The following KRT7 variants were observed in gnomAD, a reference collection of about 807,000 sequenced individuals.
The protein encoded by KRT7 is keratin 7, also known as keratin, type II cytoskeletal 7.
A neutral mutation model predicts 42.8 loss-of-function variants in KRT7; 50 were observed. That is an observed-to-expected ratio of 1.17 (90% confidence interval 0.93 to 1.48). KRT7 has a LOEUF of 1.48. Ranked by LOEUF, KRT7 falls within the 40% of genes most tolerant of loss-of-function variation. The pLI, the probability that KRT7 is intolerant of heterozygous loss-of-function variation, is 0.00. For missense variants in KRT7, 588 were observed against 637.6 expected (o/e 0.92, Z 0.84); for synonymous variants, 268 against 266.3 (o/e 1.01, Z -0.06).
chr12:52,250,207 G>C (rs968989808), downstream of KRT7, among the ~76,000 whole-genome samples: 8 of 152,240 alleles, frequency 5.3e-5, no homozygotes, highest in African/African-American at 1.9e-4. Context: ...TCCGGACCGG[G>C]GTCTTTACCT....
chr12:52,235,389 C>T (rs374549181), intron 2 of KRT7, 23 bp downstream of exon 2: 72 of 1,581,044 alleles, frequency 4.6e-5, no homozygotes, highest in Middle Eastern at 2.3e-4. Flanking sequence ...GTGCCACATG[C>T]GAAGACCCCT....
At position 52,243,149 on chromosome 12, in the gene KRT7, C is replaced by A. The variant is rs757946635; in HGVS notation, c.984+12C>A. ...ACATCAAGAACCAGGTGGGACAAGT[C>A]CTCCTGGCTTCCCCTGCTACTTGGG... On this transcript the variant is annotated intron_variant, in intron 6 of 8. Transcript: ENST00000331817. 6.2e-7 allele frequency: 1 copy of A among 1,605,892 alleles called. No individual in the cohort carries two copies. The highest frequency in any genetic ancestry group is 1.3e-5 in the African/African-American group (1 of 74,708).
intron 5 of KRT7, among the ~76,000 whole-genome samples, chr12:52,242,791 G>C (rs1204736687): frequency 2.0e-5 from 3 of 152,122 alleles, no homozygotes; most frequent in African/African-American, 7.2e-5. Context: ...CATGGGGATG[G>C]GACTGCGGAG....
At chr12:52,253,298 G>T (rs540368021), downstream of KRT7, 749 of 1,612,820 alleles carry the variant, frequency 4.6e-4, 9 homozygotes, top group South Asian at 7.8e-3. Context: ...GCGGCGCAGG[G>T]TCTCCCCGTG....
chr12:52,242,379 T>C (rs958471243), intron 5 of KRT7, among the ~76,000 whole-genome samples: 4 of 152,212 alleles, frequency 2.6e-5, no homozygotes, highest in African/African-American at 9.7e-5. Flanking sequence ...ATCCTGAATG[T>C]GAGGGCCCTA....
intron 2 of KRT7, among the ~76,000 whole-genome samples, chr12:52,236,376 C>A (rs1376877113): frequency 4.6e-5 from 7 of 151,942 alleles, no homozygotes; most frequent in African/African-American, 9.7e-5. Flanking sequence ...ATACTCCCCC[C>A]ACCCCAAACC....
At chr12:52,242,351 T>C (rs1017121446) in intron 5 of KRT7, among the ~76,000 whole-genome samples, 4 of 152,194 alleles carry the variant, frequency 2.6e-5, no homozygotes, top group Admixed American at 2.0e-4. Flanking sequence ...AGCTAGTAGA[T>C]GGAAGAGCAG....
rs990054721 is a variant in KRT7, at chr12:52,243,028, C to T, written c.875C>T (p.Ala292Val). 7 of 1,613,306 alleles carry T rather than the reference C, an allele frequency of 4.3e-6. No homozygotes were observed. The highest frequency in any genetic ancestry group is 1.1e-5 in the South Asian group (1 of 90,994). ...CCCCTCCAGTTTGAGACCCTCCAGG[C>T]CCAGGCTGGGAAGCATGGGGACGAC... is the stretch of plus-strand genomic sequence containing the variant. Reference protein sequence around the residue: ...WYQTKFETLQAQAGKHGDDLR... With the variant: ...WYQTKFETLQVQAGKHGDDLR... Residue 292 changes from alanine (A) to valine (V), a missense_variant, in exon 6 of 9, where the codon GCC becomes GTC. Ala to Val is a moderately conservative substitution (Grantham distance 64). Transcript: ENST00000331817.
At chr12:52,236,446 G>A (rs546483798) in intron 2 of KRT7, among the ~76,000 whole-genome samples, 1 of 152,032 alleles carries the variant, frequency 6.6e-6, no homozygotes, top group African/African-American at 2.4e-5. Context: ...AAGAGGAACT[G>A]GAAGGGAGTC....
chr12:52,233,698 C>T lies in KRT7; in HGVS notation c.324+78C>T. 2.1e-6 allele frequency: 3 copies of T among 1,451,644 alleles called. No individual in the cohort carries two copies. The South Asian group carries it at 3.4e-5, about 17-fold the overall frequency. 89.9% of individuals were successfully genotyped at this position (1,451,644 alleles called of 1,614,324 possible). On this transcript the variant is annotated intron_variant, in intron 1 of 8. Transcript: ENST00000331817. ...GCCGCCCTAACTAGCCCTGCCTGCGCGCGGGCCAGGCGCTGGGGAGCACTG... is the reference window on the plus strand; with the variant it reads ...GCCGCCCTAACTAGCCCTGCCTGCGTGCGGGCCAGGCGCTGGGGAGCACTG...
intron 4 of KRT7, among the ~76,000 whole-genome samples, chr12:52,239,795 C>T (rs1942059468): frequency 6.6e-6 from 1 of 152,154 alleles, no homozygotes; most frequent in African/African-American, 2.4e-5. Context: ...ACTCTAATGT[C>T]CTCCCTTCCC....
chr12:52,248,453 C>A (rs1942210382), intron 8 of KRT7, 138 bp from the exon 9 acceptor site: 6 of 962,846 alleles, frequency 6.2e-6, no homozygotes, highest in Non-Finnish European at 9.3e-6. Flanking sequence ...GTCAGATGCT[C>A]CTTCTGGGTT....
chr12:52,248,062 G>T, intron 7 of KRT7, 115 bp from the exon 8 acceptor site: 1 of 988,692 alleles, frequency 1.0e-6, no homozygotes. Context: ...TGGAAGTGTG[G>T]GGCAAGAAGG....
chr12:52,241,504 C>T lies in KRT7; in HGVS notation c.726C>T (p.Asp242=), dbSNP rs377014578. 2.9e-4 allele frequency: 468 copies of T among 1,613,320 alleles called. 1 individual carries two copies. The highest frequency in any genetic ancestry group is 3.7e-4 in the Non-Finnish European group (440 of 1,179,612). ...ELTELQSQIS[D]TSVVLSMDNS... is the part of the protein sequence containing the mutation. ...CAGAGCTGCAGTCCCAGATCTCCGA[C>T]ACATCTGTGGTGCTGTCCATGGACA... Residue 242 remains aspartate (D), a synonymous_variant, in exon 5 of 9, where the codon GAC becomes GAT. Coordinates refer to ENST00000331817, the MANE Select transcript of KRT7 (RefSeq NM_005556.4).
downstream of KRT7, among the ~76,000 whole-genome samples, chr12:52,251,258 G>A (rs1942263412): frequency 6.6e-6 from 1 of 152,214 alleles, no homozygotes; most frequent in South Asian, 2.1e-4. Context: ...GGGATTACAG[G>A]TGTAAGCCAC....
rs762144510 is a variant in KRT7 at position 52,248,738 on chromosome 12, G to A, written c.1388G>A (p.Ser463Asn). 1.9e-6 allele frequency: 3 copies of A among 1,586,968 alleles called. No homozygotes were observed. In the Admixed American group the frequency reaches 5.2e-5, roughly 28 times the overall value. The change falls in exon 9 of 9, where the codon AGT becomes AAT. Residue 463 changes from serine to asparagine, a missense_variant. By Grantham distance (46) the Ser-to-Asn change is conservative (BLOSUM62 1). Transcript: ENST00000331817. ...KAYSIRTASA[S>N]RRSARD Reference sequence around the variant, plus strand: ...TATTCCATCCGGACCGCATCCGCCAGTCGCAGGAGTGCCCGCGACTGAGCC... The same window carrying A: ...TATTCCATCCGGACCGCATCCGCCAATCGCAGGAGTGCCCGCGACTGAGCC...
Position 52,233,611 on chromosome 12 carries a change from C to T in KRT7, c.315C>T (p.Phe105=). The T allele has an allele frequency of 6.2e-7, 1 of 1,612,654 alleles. No homozygotes were observed. Among genetic ancestry groups the T allele is most frequent in the Non-Finnish European group, 8.5e-7 (1 of 1,179,670 alleles). The change falls in exon 1 of 9, where the codon TTC becomes TTT. Residue 105 remains phenylalanine (F), a synonymous_variant. Transcript: ENST00000331817. ...IKTLNNKFAS[F]IDKVRFLEQQ... is the part of the protein sequence containing the mutation. ...CCCTCAACAACAAGTTTGCCTCCTT[C>T]ATCGACAAGGTGAGCGGGACTGGAC...
At chr12:52,251,877 C>T, downstream of KRT7, 2 of 397,998 alleles carry the variant, frequency 5.0e-6, no homozygotes, top group Non-Finnish European at 9.7e-6. Context: ...TTGGCTGTGG[C>T]TGCTTTACAT....
At chr12:52,234,641 C>T (rs562456863) in intron 1 of KRT7, among the ~76,000 whole-genome samples, 5 of 152,304 alleles carry the variant, frequency 3.3e-5, no homozygotes, top group South Asian at 2.1e-4. Flanking sequence ...CCTCTATTGC[C>T]TCCCACCTCC....
Sources: allele counts gnomAD v4.1 joint callset (sites outside exome capture counted in the v4.1 genomes callset), GRCh38; gene constraint gnomAD v4.1.1; transcripts MANE v1.5; gene names NCBI Gene and HGNC (gene_info 2026-07-23, HGNC 2026-07-21).